VAT1L: variants seen among roughly 807,000 people sequenced by gnomAD.
The protein encoded by VAT1L is vesicle amine transport 1 like.
Under a neutral mutation model 44.1 loss-of-function variants are expected in VAT1L, and 34 were observed. The observed-to-expected ratio is 0.77, with a 90% CI of 0.59 to 1.03. The LOEUF is 1.03. VAT1L is among the 50% of genes least tolerant of loss of function. The pLI is 0.00. For missense variants in VAT1L, 615 were observed against 538.8 expected (o/e 1.14, Z -1.40); for synonymous variants, 253 against 202.2 (o/e 1.25, Z -2.13).
chr16:77,925,296 G>A (rs183197623), intron 7 of VAT1L, among the ~76,000 whole-genome samples: 91 of 152,262 alleles, frequency 6.0e-4, no homozygotes, highest in Non-Finnish European at 7.3e-5. Context: ...CCTGGTTGCA[G>A]AATTGGCCAA....
At chr16:77,955,720 C>CT (rs140188376) in intron 7 of VAT1L, among the ~76,000 whole-genome samples, 18,856 of 124,108 alleles carry the variant, frequency 0.15, 1,394 homozygotes, top group Admixed American at 0.23. Flanking sequence ...GGCTCCATAT[C>CT]CCCCCCCCCA....
At chr16:77,912,505 C>G (rs922348340) in intron 7 of VAT1L, among the ~76,000 whole-genome samples, 11 of 152,234 alleles carry the variant, frequency 7.2e-5, no homozygotes, top group African/African-American at 2.6e-4. Flanking sequence ...GCAGCCTCAA[C>G]CTCCCAGGCT....
intron 2 of VAT1L, among the ~76,000 whole-genome samples, chr16:77,824,612 C>T (rs1033469255): frequency 4.0e-5 from 6 of 151,280 alleles, no homozygotes; most frequent in African/African-American, 9.7e-5. Context: ...AAAAATTAGC[C>T]GGGCATGGTG....
chr16:77,862,184 G>A (rs1329253507), intron 3 of VAT1L, among the ~76,000 whole-genome samples: 1 of 152,148 alleles, frequency 6.6e-6, no homozygotes. Flanking sequence ...CCACCAAGGC[G>A]ACACTTTGCA....
chr16:77,957,994 G>A (rs2018121941), intron 7 of VAT1L, among the ~76,000 whole-genome samples: 1 of 151,958 alleles, frequency 6.6e-6, no homozygotes, highest in Admixed American at 6.6e-5. Context: ...TGCAATCTCT[G>A]CCCACCAGAT....
Position 77,862,892 on chromosome 16 carries a change from T to C in VAT1L, c.722+2T>C. ...AGACTACGTGCAAGAAGTTAAAAGG[T>C]AAGATGTTTGCTTTTGAAAAAGCAC... On this transcript the variant is annotated splice_donor_variant, in intron 4 of 8. Transcript: ENST00000302536. LOFTEE classifies it high-confidence loss of function. 1 of 1,613,766 alleles carries C rather than the reference T, an allele frequency of 6.2e-7. No homozygotes were observed.
chr16:77,807,114 G>A lies in VAT1L; in HGVS notation c.234-9807G>A, dbSNP rs542776029. Among the ~76,000 whole-genome samples the A allele has an allele frequency of 2.0e-5, 3 of 152,316 alleles. No individual in the cohort carries two copies. In the South Asian group the frequency reaches 6.2e-4, roughly 32 times the overall value. ...ATCTTTCCTCCTCAGGAACTGCCGT[G>A]CAAAGGAGCCTCATAAAAATTCACC... On this transcript the variant is annotated intron_variant, in intron 1 of 8. Coordinates refer to ENST00000302536, the MANE Select transcript of VAT1L (RefSeq NM_020927.3).
intron 7 of VAT1L, among the ~76,000 whole-genome samples, chr16:77,910,950 TAG>T (rs1455580846): frequency 1.3e-5 from 2 of 152,140 alleles, no homozygotes; most frequent in African/African-American, 2.4e-5. Flanking sequence ...GGCAAAAGAA[TAG>T]AGAGATTAAA....
intron 3 of VAT1L, among the ~76,000 whole-genome samples, chr16:77,829,578 C>T (rs2016557882): frequency 6.6e-6 from 1 of 152,200 alleles, no homozygotes; most frequent in Non-Finnish European, 1.5e-5. Flanking sequence ...AATAGCATGA[C>T]AAGATGGCCC....
intron 4 of VAT1L, among the ~76,000 whole-genome samples, chr16:77,874,469 C>T (rs987900523): frequency 7.2e-5 from 3 of 41,478 alleles, no homozygotes; most frequent in Non-Finnish European, 1.2e-4. Context: ...CAGCCCAACC[C>T]GAAGCAAACA....
chr16:77,788,974 G>A (rs953703335), intron 1 of VAT1L, 59 bp downstream of exon 1: 70 of 1,426,244 alleles, frequency 4.9e-5, no homozygotes, highest in Middle Eastern at 1.9e-4. Flanking sequence ...GCTGGGGAGG[G>A]GGTGGGAAAG....
chr16:77,975,194 CTTTTTTTTTTTTTT>C (rs35017686), intron 8 of VAT1L, among the ~76,000 whole-genome samples: 17 of 39,860 alleles, frequency 4.3e-4, no homozygotes, highest in Admixed American at 1.8e-3. Flanking sequence ...GGAATGACCA[CTTTTTTTTTTTTTT>C]TTTTTTTTTT....
chr16:77,949,204 C>T (rs1314389708), intron 7 of VAT1L, among the ~76,000 whole-genome samples: 3 of 152,078 alleles, frequency 2.0e-5, no homozygotes, highest in Non-Finnish European at 4.4e-5. Context: ...ACAATACACA[C>T]GTGGAGATTA....
At chr16:77,791,004 G>C (rs868240795) in intron 1 of VAT1L, among the ~76,000 whole-genome samples, 3 of 152,160 alleles carry the variant, frequency 2.0e-5, no homozygotes, top group Admixed American at 1.3e-4. Context: ...AGCCAACCAG[G>C]CTGCAGGTAC....
chr16:77,788,859 C>T lies in VAT1L; in HGVS notation c.177C>T (p.Phe59=). The change falls in exon 1 of 9, where the codon TTC becomes TTT. Residue 59 remains phenylalanine, a synonymous_variant. Transcript: ENST00000302536. ...GGGGGCTCAACAAGCTGCGGCTCTT[C>T]AGGAAGGCCATGCCCGAGCCTCAGG... is the stretch of plus-strand genomic sequence containing the variant. ...GFGGLNKLRL[F]RKAMPEPQDG... is the part of the protein sequence containing the mutation. 1 of 1,576,436 alleles carries T rather than the reference C, an allele frequency of 6.3e-7. No homozygotes were observed. Among genetic ancestry groups the T allele is most frequent in the Non-Finnish European group, 8.6e-7 (1 of 1,162,672 alleles).
intron 7 of VAT1L, among the ~76,000 whole-genome samples, chr16:77,948,581 C>T (rs1324635043): frequency 6.6e-6 from 1 of 152,000 alleles, no homozygotes; most frequent in Non-Finnish European, 1.5e-5. Context: ...ATACTGACAC[C>T]CCCTGCCCCC....
intron 4 of VAT1L, among the ~76,000 whole-genome samples, chr16:77,866,953 G>A (rs537970001): frequency 6.6e-6 from 1 of 152,286 alleles, no homozygotes; most frequent in East Asian, 1.9e-4. Flanking sequence ...ATCGATTTCA[G>A]TAGGTGGAGG....
Position 77,952,537 on chromosome 16 carries a change from C to T in VAT1L, c.1078-19313C>T, listed in dbSNP as rs1420496329. Among the ~76,000 whole-genome samples the T allele has an allele frequency of 2.0e-5, 3 of 152,036 alleles. 1 individual carries two copies. The South Asian group carries it at 6.2e-4, about 32-fold the overall frequency. ...CTTTGAGACCTCCCTAGAAGCTGATCATATGCCAGCACTATGCTTCCCATA... is the reference window on the plus strand; with the variant it reads ...CTTTGAGACCTCCCTAGAAGCTGATTATATGCCAGCACTATGCTTCCCATA... On this transcript the variant is annotated intron_variant, in intron 7 of 8. Coordinates refer to ENST00000302536, the MANE Select transcript of VAT1L (RefSeq NM_020927.3).
At chr16:77,915,861 T>C (rs9927081) in intron 7 of VAT1L, among the ~76,000 whole-genome samples, 1,606 of 152,238 alleles carry the variant, frequency 0.011, 31 homozygotes, top group African/African-American at 0.037. Context: ...ATGGGAAAGT[T>C]AGACGAGGAA....
Sources: gnomAD v4.1 joint callset for allele counts (sites outside exome capture counted in the v4.1 genomes callset) on GRCh38, gnomAD v4.1.1 for gene constraint, MANE v1.5 for transcripts, NCBI Gene and HGNC (gene_info 2026-07-23, HGNC 2026-07-21) for gene names.